Variants in UNC13C observed in about 807,000 individuals in gnomAD.
UNC13C encodes unc-13 homolog C, also known as protein unc-13 homolog C.
UNC13C carries 174 observed loss-of-function variants against 245.4 expected under a neutral mutation model. That is an observed-to-expected ratio of 0.71 (90% CI 0.63 to 0.80). The LOEUF is 0.80. Ranked by LOEUF, UNC13C falls within the 30% of genes least tolerant of loss-of-function variation. UNC13C has a pLI of 0.00. For missense variants in UNC13C, 2,829 were observed against 2,602.9 expected (o/e 1.09, Z -1.89); for synonymous variants, 992 against 895.1 (o/e 1.11, Z -1.93).
Position 54,015,814 on chromosome 15 carries a change from T to C in UNC13C, c.2911T>C (p.Ser971Pro). 6.2e-7 allele frequency: 1 copy of C among 1,611,376 alleles called. No individual in the cohort carries two copies. Among genetic ancestry groups the C allele is most frequent in the Non-Finnish European group, 8.5e-7 (1 of 1,178,690 alleles). ...CACAAAGCCAAAGAGAATTCGTCCTTCTTTCAAAGAAGCAGCTTTAAGGGC... is the reference window on the plus strand; with the variant it reads ...CACAAAGCCAAAGAGAATTCGTCCTCCTTTCAAAGAAGCAGCTTTAAGGGC... Reference protein sequence around the residue: ...EITKPKRIRPSFKEAALRAYK... With the variant: ...EITKPKRIRPPFKEAALRAYK... The change falls in exon 2 of 33, where the codon TCT (serine) becomes CCT (proline). Residue 971 changes from serine (S) to proline (P), a missense_variant. Physicochemically the swap from Ser to Pro is moderately conservative, Grantham distance 74. Transcript: ENST00000260323.
At chr15:54,501,252 C>G (rs1467998388) in intron 22 of UNC13C, among the ~76,000 whole-genome samples, 1 of 152,020 alleles carries the variant, frequency 6.6e-6, no homozygotes, top group African/African-American at 2.4e-5. Context: ...CAAATTACTC[C>G]CATTTCAAAT....
intron 4 of UNC13C, among the ~76,000 whole-genome samples, chr15:54,213,544 T>C (rs911994510): frequency 2.6e-5 from 4 of 152,084 alleles, no homozygotes; most frequent in Non-Finnish European, 4.4e-5. Flanking sequence ...GTTAACTTTG[T>C]AAGCTTCTAA....
At chr15:54,597,346 C>G (rs1349125303) in intron 30 of UNC13C, among the ~76,000 whole-genome samples, 1 of 152,172 alleles carries the variant, frequency 6.6e-6, no homozygotes, top group Non-Finnish European at 1.5e-5. Context: ...AGAATCCTAC[C>G]AGGTACGTTA....
chr15:54,586,588 C>T (rs1187554972), intron 30 of UNC13C, among the ~76,000 whole-genome samples: 1 of 152,176 alleles, frequency 6.6e-6, no homozygotes, highest in South Asian at 2.1e-4. Flanking sequence ...AATAAAGTCA[C>T]ATTGGAGGGT....
chr15:54,543,463 T>C (rs898060469), intron 26 of UNC13C, among the ~76,000 whole-genome samples: 2 of 151,458 alleles, frequency 1.3e-5, no homozygotes, highest in Admixed American at 1.3e-4. Flanking sequence ...CTGAAGGAGA[T>C]AGAGAAATGA....
intron 19 of UNC13C, among the ~76,000 whole-genome samples, chr15:54,418,703 T>C (rs1178599194): frequency 6.6e-6 from 1 of 152,224 alleles, no homozygotes; most frequent in African/African-American, 2.4e-5. Flanking sequence ...ACTGATGAGC[T>C]GGAAGTGGCT....
chr15:54,180,470 A>G (rs949445518), intron 4 of UNC13C, among the ~76,000 whole-genome samples: 4 of 152,028 alleles, frequency 2.6e-5, no homozygotes, highest in Admixed American at 6.6e-5. Context: ...ATGAGAGTGC[A>G]TTTGTATTTT....
chr15:54,022,468 C>T (rs939782978), intron 2 of UNC13C, among the ~76,000 whole-genome samples: 1 of 152,070 alleles, frequency 6.6e-6, no homozygotes, highest in East Asian at 1.9e-4. Flanking sequence ...CCACCCCAGC[C>T]CAGCCTCTTT....
chr15:54,020,653 T>C (rs978221772), intron 2 of UNC13C, among the ~76,000 whole-genome samples: 1 of 152,078 alleles, frequency 6.6e-6, no homozygotes. Flanking sequence ...TTACATTTTG[T>C]GAAAAGGCTT....
downstream of UNC13C, chr15:54,629,901 A>ATAAAG (rs1555405074): frequency 2.0e-5 from 3 of 152,210 alleles, no homozygotes; most frequent in East Asian, 3.8e-4. Context: ...TATGACTATC[A>ATAAAG]TAAAGTACAG....
At chr15:54,178,824 C>A (rs1254933485) in intron 4 of UNC13C, among the ~76,000 whole-genome samples, 1 of 152,144 alleles carries the variant, frequency 6.6e-6, no homozygotes, top group Non-Finnish European at 1.5e-5. Context: ...GAAGTCTGAC[C>A]TGTTCCCATA....
chr15:54,098,777 G>A (rs1465054402), intron 2 of UNC13C, among the ~76,000 whole-genome samples: 3 of 152,178 alleles, frequency 2.0e-5, no homozygotes, highest in African/African-American at 7.2e-5. Context: ...AAGAAAGTCA[G>A]TGTTTTCTTT....
intron 4 of UNC13C, among the ~76,000 whole-genome samples, chr15:54,173,333 G>T (rs1041479313): frequency 1.3e-5 from 2 of 151,984 alleles, no homozygotes; most frequent in African/African-American, 4.8e-5. Flanking sequence ...TAAAAATACT[G>T]AGTGTTCTAA....
At chr15:54,153,988 T>G in intron 4 of UNC13C, among the ~76,000 whole-genome samples, 1 of 152,052 alleles carries the variant, frequency 6.6e-6, no homozygotes, top group Non-Finnish European at 1.5e-5. Context: ...ATGTAATAAT[T>G]AAACCAGGGT....
intron 7 of UNC13C, among the ~76,000 whole-genome samples, chr15:54,241,668 A>G (rs562332084): frequency 1.3e-5 from 2 of 152,374 alleles, no homozygotes; most frequent in East Asian, 3.9e-4. Flanking sequence ...TAAAAGAAAT[A>G]GCTTATGTAG....
intron 1 of UNC13C, among the ~76,000 whole-genome samples, chr15:54,001,734 G>GGAAACTGA (rs1894897053): frequency 6.6e-6 from 1 of 152,198 alleles, no homozygotes; most frequent in South Asian, 2.1e-4. Context: ...TGTTAAATGA[G>GGAAACTGA]GAAACTGAGA....
At chr15:54,494,272 C>A (rs1893852717) in intron 19 of UNC13C, among the ~76,000 whole-genome samples, 2 of 152,074 alleles carry the variant, frequency 1.3e-5, no homozygotes, top group South Asian at 4.1e-4. Context: ...CACTTTGCAT[C>A]AAGCTAAAAG....
At chr15:54,171,389 T>C (rs1391481974) in intron 4 of UNC13C, among the ~76,000 whole-genome samples, 2 of 151,916 alleles carry the variant, frequency 1.3e-5, no homozygotes, top group African/African-American at 2.4e-5. Context: ...TACAAGGGAC[T>C]CAAACAACAC....
the UNC13C span, among the ~76,000 whole-genome samples, chr15:53,868,482 C>T: frequency 2.0e-5 from 3 of 152,076 alleles, no homozygotes; most frequent in African/African-American, 7.2e-5. Flanking sequence ...CTGACTTGTG[C>T]CCTAGGGGTC....
Sources: gnomAD v4.1 joint callset for allele counts (sites outside exome capture counted in the v4.1 genomes callset) on GRCh38, gnomAD v4.1.1 for gene constraint, MANE v1.5 for transcripts, NCBI Gene and HGNC (gene_info 2026-07-23, HGNC 2026-07-21) for gene names.